The following TNFSF4 variants were observed in gnomAD, a reference collection of about 807,000 sequenced individuals.
TNFSF4 encodes the protein tumor necrosis factor ligand superfamily member 4.
Under a neutral mutation model 7.3 loss-of-function variants are expected in TNFSF4, and 4 were observed. That is an observed-to-expected ratio of 0.55 (90% confidence interval 0.27 to 1.25). The LOEUF is 1.25. Among genes scored for constraint, TNFSF4 ranks in the 50% most tolerant of loss-of-function variants. The pLI is 0.12. For missense variants in TNFSF4, 181 were observed against 208.8 expected (o/e 0.87, Z 0.82); for synonymous variants, 76 against 83.7 (o/e 0.91, Z 0.50).
chr1:173,293,096 A>G, the TNFSF4 span, among the ~76,000 whole-genome samples: 132 of 152,072 alleles, frequency 8.7e-4, 1 homozygote, highest in African/African-American at 3.1e-3. Flanking sequence ...AATAGTATTC[A>G]TATCAAACTA....
rs1296133953 is a variant in TNFSF4, at chr1:173,184,071, A to G, written c.*2445T>C. On this transcript the variant is annotated 3_prime_UTR_variant, in exon 3 of 3. Transcript: ENST00000281834. ...AGGTTACACTCCTTGACTCATAGCA[A>G]CAAGAACATAGACATTTAATATGTG... is the stretch of plus-strand genomic sequence containing the variant. 1 of 152,252 alleles carries G rather than the reference A, an allele frequency of 6.6e-6. No individual in the cohort carries two copies. Among genetic ancestry groups the G allele is most frequent in the East Asian group, 1.9e-4 (1 of 5,202 alleles). 9.4% of individuals were successfully genotyped at this position (152,252 alleles called of 1,614,324 possible). A position where few individuals can be genotyped will look rare whatever the true frequency, so the allele number is the denominator to read the frequency against.
At chr1:173,420,762 AATT>A in the TNFSF4 span, among the ~76,000 whole-genome samples, 1 of 152,186 alleles carries the variant, frequency 6.6e-6, no homozygotes, top group Admixed American at 6.5e-5. Flanking sequence ...TTAATTATGT[AATT>A]ACATAACTAA....
chr1:173,415,159 C>T, the TNFSF4 span, among the ~76,000 whole-genome samples: 4 of 152,204 alleles, frequency 2.6e-5, no homozygotes, highest in African/African-American at 9.6e-5. Flanking sequence ...ACTGCAATAG[C>T]CTTGAATAAA....
chr1:173,430,218 T>G, the TNFSF4 span, among the ~76,000 whole-genome samples: 338 of 152,332 alleles, frequency 2.2e-3, 2 homozygotes, highest in African/African-American at 7.9e-3. Context: ...GCGCCAAATT[T>G]GAATCTTCTT....
At chr1:173,302,526 G>C in the TNFSF4 span, among the ~76,000 whole-genome samples, 1 of 151,788 alleles carries the variant, frequency 6.6e-6, no homozygotes, top group Non-Finnish European at 1.5e-5. Context: ...GAAAACCAAA[G>C]TTCAGACAAT....
the TNFSF4 span, among the ~76,000 whole-genome samples, chr1:173,356,767 C>A: frequency 2.0e-5 from 3 of 152,168 alleles, no homozygotes; most frequent in African/African-American, 7.2e-5. Context: ...ATGAGTCTAG[C>A]AATCAATAGT....
the TNFSF4 span, among the ~76,000 whole-genome samples, chr1:173,173,853 G>A: frequency 6.6e-6 from 1 of 152,226 alleles, no homozygotes; most frequent in African/African-American, 2.4e-5. Flanking sequence ...TGTGATGGGA[G>A]GGGCTGCCAC....
At chr1:173,418,755 A>G in the TNFSF4 span, 1 of 152,220 alleles carries the variant, frequency 6.6e-6, no homozygotes, top group Non-Finnish European at 1.5e-5. Context: ...CCAGGACCCT[A>G]CACTGACTCA....
chr1:173,237,366 C>T, the TNFSF4 span, among the ~76,000 whole-genome samples: 4 of 152,214 alleles, frequency 2.6e-5, no homozygotes, highest in Admixed American at 6.5e-5. Context: ...TAAAATTCAA[C>T]GTCCAAGGAA....
chr1:173,210,192 A>G (rs1425108470), upstream of TNFSF4, among the ~76,000 whole-genome samples: 1 of 152,216 alleles, frequency 6.6e-6, no homozygotes, highest in Non-Finnish European at 1.5e-5. Context: ...TGAGCCAAAT[A>G]CTAGAGGAAA....
the TNFSF4 span, among the ~76,000 whole-genome samples, chr1:173,406,526 T>G: frequency 6.6e-6 from 1 of 152,200 alleles, no homozygotes; most frequent in East Asian, 1.9e-4. Flanking sequence ...GGACCCCTTC[T>G]TCCATTAAAA....
chr1:173,225,960 A>G, the TNFSF4 span, among the ~76,000 whole-genome samples: 1 of 152,208 alleles, frequency 6.6e-6, no homozygotes, highest in Non-Finnish European at 1.5e-5. Flanking sequence ...GCACCTCATA[A>G]CCTAGTAAAC....
chr1:173,236,677 T>C, the TNFSF4 span, among the ~76,000 whole-genome samples: 2 of 152,000 alleles, frequency 1.3e-5, no homozygotes, highest in Admixed American at 6.6e-5. Flanking sequence ...AATCCTGCCA[T>C]TCACAGCACC....
At chr1:173,401,744 AACAC>A in the TNFSF4 span, among the ~76,000 whole-genome samples, 1 of 150,922 alleles carries the variant, frequency 6.6e-6, no homozygotes, top group Non-Finnish European at 1.5e-5. Context: ...ACACATACAC[AACAC>A]ACACACACAC....
the TNFSF4 span, among the ~76,000 whole-genome samples, chr1:173,241,970 A>G: frequency 6.6e-6 from 1 of 152,382 alleles, no homozygotes; most frequent in East Asian, 1.9e-4. Context: ...GGGAACTTAC[A>G]GCCAGGCCTT....
At chr1:173,446,574 C>T in the TNFSF4 span, among the ~76,000 whole-genome samples, 1 of 152,096 alleles carries the variant, frequency 6.6e-6, no homozygotes, top group Non-Finnish European at 1.5e-5. Flanking sequence ...GATTAACATT[C>T]GAGTCAGTGG....
chr1:173,254,339 G>T, the TNFSF4 span, among the ~76,000 whole-genome samples: 2 of 152,154 alleles, frequency 1.3e-5, no homozygotes, highest in African/African-American at 4.8e-5. Flanking sequence ...TGGGAACAAG[G>T]AAACAAAATA....
the TNFSF4 span, among the ~76,000 whole-genome samples, chr1:173,242,638 C>T: frequency 1.4e-4 from 21 of 152,156 alleles, no homozygotes; most frequent in African/African-American, 3.9e-4. Context: ...AATCAAATCA[C>T]GTGAGTCCCT....
At chr1:173,265,605 T>C in the TNFSF4 span, among the ~76,000 whole-genome samples, 2 of 152,142 alleles carry the variant, frequency 1.3e-5, no homozygotes, top group Non-Finnish European at 2.9e-5. Context: ...TCAGCAATCA[T>C]TTCCATATAT....
Sources: allele counts gnomAD v4.1 joint callset (sites outside exome capture counted in the v4.1 genomes callset), GRCh38; gene constraint gnomAD v4.1.1; transcripts MANE v1.5; gene names NCBI Gene and HGNC (gene_info 2026-07-23, HGNC 2026-07-21).